Variants in NT5M observed in about 807,000 individuals in gnomAD.
NT5M encodes the protein 5',3'-nucleotidase, mitochondrial, also known as 5'(3')-deoxyribonucleotidase, mitochondrial.
NT5M carries 22 observed loss-of-function variants against 22.2 expected under a neutral mutation model. That is an observed-to-expected ratio of 0.99 (90% confidence interval 0.71 to 1.41). The LOEUF is 1.41. NT5M is among the 40% of genes most tolerant of loss of function. The pLI is 0.00. For synonymous variants in NT5M, 167 were observed against 133.0 expected (o/e 1.26, Z -1.76); for missense variants, 322 against 314.8 (o/e 1.02, Z -0.17).
chr17:17,309,570 T>A (rs540129034), intron 2 of NT5M, among the ~76,000 whole-genome samples: 26 of 152,348 alleles, frequency 1.7e-4, no homozygotes, highest in African/African-American at 5.8e-4. Context: ...CACATCTTTG[T>A]CAACACTTGT....
chr17:17,316,043 CCA>C (rs2049020816), intron 2 of NT5M, among the ~76,000 whole-genome samples: 1 of 151,506 alleles, frequency 6.6e-6, no homozygotes, highest in Non-Finnish European at 1.5e-5. Flanking sequence ...GCATGAGCCA[CCA>C]TGCCCGGCCT....
In NT5M at chr17:17,306,919, C is replaced by T. The variant is rs565814534; in HGVS notation, c.368+276C>T. ...GTTCAAAGCTCATTTATTCAATGCC[C>T]GGACGTGGTGGCTCATGCCTGTAAT... On this transcript the variant is annotated intron_variant, in intron 2 of 4. Transcript: ENST00000389022. 9.9e-5 allele frequency among the ~76,000 whole-genome samples: 15 copies of T among 152,282 alleles called. No homozygotes were observed. The South Asian group carries it at 2.3e-3, about 23-fold the overall frequency.
Position 17,303,788 on chromosome 17 carries a change from C to T in NT5M, c.238C>T (p.Gln80Ter). The change falls in exon 1 of 5, where the codon CAG becomes TAG. Residue 80 changes from glutamine to a stop codon, truncating the protein, a stop_gained. Coordinates refer to ENST00000389022, the MANE Select transcript of NT5M (RefSeq NM_020201.4). LOFTEE classifies it high-confidence loss of function. ...CCGGCGCGGCTTCTGGGTGTCGGAG[C>T]AGTACGGCCGCCTGCGGCCAGGGCT... ...EDRRGFWVSE[Q>*]YGRLRPGLSE... 1 of 1,565,474 alleles carries T rather than the reference C, an allele frequency of 6.4e-7. No homozygotes were observed. The highest frequency in any genetic ancestry group is 8.6e-7 in the Non-Finnish European group (1 of 1,156,232).
chr17:17,338,676 GGT>G (rs1491306807), intron 3 of NT5M, among the ~76,000 whole-genome samples: 2 of 74,600 alleles, frequency 2.7e-5, no homozygotes, highest in East Asian at 2.6e-4. Flanking sequence ...AAATGTTAAG[GGT>G]TTTTTTTTTT....
In NT5M at chr17:17,332,084, G is replaced by A. The variant is rs185517947; in HGVS notation, c.429+8839G>A. ...TGTGAGCCACCGCATCCGGCCTATG[G>A]TATTATTTTTCTAGCAGTGTCATTC... On this transcript the variant is annotated intron_variant, in intron 3 of 4. Transcript: ENST00000389022. Among the ~76,000 whole-genome samples the A allele has an allele frequency of 3.8e-3, 574 of 152,134 alleles. 3 individuals are homozygous for A. Among genetic ancestry groups the A allele is most frequent in the African/African-American group, 0.013 (542 of 41,498 alleles).
intron 3 of NT5M, among the ~76,000 whole-genome samples, chr17:17,338,436 G>A (rs975118515): frequency 1.1e-4 from 17 of 152,082 alleles, no homozygotes; most frequent in African/African-American, 3.6e-4. Context: ...CACGCTATCC[G>A]CCCGCCTCGG....
At position 17,303,546 on chromosome 17, in the gene NT5M, G is replaced by T; in HGVS notation, c.-5G>T. 1 of 1,066,152 alleles carries T rather than the reference G, an allele frequency of 9.4e-7. No individual in the cohort carries two copies. Among genetic ancestry groups the T allele is most frequent in the Non-Finnish European group, 1.1e-6 (1 of 882,652 alleles). The allele number at this position is 1,066,152 out of a possible 1,614,324, so 66.0% of individuals were successfully genotyped here. ...CGCGCCCACGACGGGCCAGCGCGCT[G>T]GGCCATGATCCGGCTGGGCGGCTGG... On this transcript the variant is annotated 5_prime_UTR_variant, in exon 1 of 5. Coordinates refer to ENST00000389022, the MANE Select transcript of NT5M (RefSeq NM_020201.4).
intron 3 of NT5M, among the ~76,000 whole-genome samples, chr17:17,325,362 G>T (rs1341629812): frequency 6.6e-6 from 1 of 152,058 alleles, no homozygotes; most frequent in Non-Finnish European, 1.5e-5. Context: ...TGGGGTGCTG[G>T]TTTCCTTGTG....
At chr17:17,339,602 A>G (rs374531272) in intron 3 of NT5M, among the ~76,000 whole-genome samples, 160 of 152,260 alleles carry the variant, frequency 1.1e-3, no homozygotes, top group African/African-American at 3.7e-3. Flanking sequence ...GATACTAGCC[A>G]TATATAGGTC....
chr17:17,314,175 G>A (rs1051591389), intron 2 of NT5M, among the ~76,000 whole-genome samples: 5 of 151,700 alleles, frequency 3.3e-5, no homozygotes, highest in South Asian at 2.1e-4. Flanking sequence ...CTGGGATTAC[G>A]GGCGCCCGCC....
At chr17:17,343,154 A>G (rs973643162) in intron 3 of NT5M, among the ~76,000 whole-genome samples, 13 of 152,172 alleles carry the variant, frequency 8.5e-5, no homozygotes, top group African/African-American at 3.1e-4. Flanking sequence ...AGGGAGGACA[A>G]TTAGACTGGG....
intron 2 of NT5M, among the ~76,000 whole-genome samples, chr17:17,317,962 C>CAA (rs35320589): frequency 0.62 from 46,075 of 73,810 alleles, 14,781 homozygotes; most frequent in East Asian, 0.78. Context: ...ACTCCATGAT[C>CAA]AAAAAAAAAA....
rs1429343240 is a variant in NT5M, at chr17:17,346,819, C to A, written c.559C>A (p.Pro187Thr). The A allele has an allele frequency of 6.2e-7, 1 of 1,607,776 alleles. No individual in the cohort carries two copies. The highest frequency in any genetic ancestry group is 1.1e-5 in the South Asian group (1 of 91,058). Reference sequence around the variant, plus strand: ...CCCACCCACAGGGGCCGAGCCAACCCCCAGCTGGGAGCATGTCCTCTTCAC... The same window carrying A: ...CCCACCCACAGGGGCCGAGCCAACCACCAGCTGGGAGCATGTCCTCTTCAC... ...RPDITGAEPTPSWEHVLFTAC... is the reference protein window; with the variant it reads ...RPDITGAEPTTSWEHVLFTAC... Residue 187 changes from proline to threonine, a missense_variant, in exon 5 of 5, where the codon CCC (proline) becomes ACC (threonine). Physicochemically the swap from Pro to Thr is conservative, Grantham distance 38 (BLOSUM62 -1). Transcript: ENST00000389022.
At chr17:17,330,458 G>A (rs1227887136) in intron 3 of NT5M, among the ~76,000 whole-genome samples, 5 of 148,590 alleles carry the variant, frequency 3.4e-5, no homozygotes, top group Admixed American at 2.0e-4. Context: ...TCACTGCAAC[G>A]TCTGCCTCCT....
chr17:17,317,962 CAAAA>C (rs35320589), intron 2 of NT5M, among the ~76,000 whole-genome samples: 17 of 74,070 alleles, frequency 2.3e-4, no homozygotes, highest in African/African-American at 9.0e-4. Flanking sequence ...ACTCCATGAT[CAAAA>C]AAAAAAAAAA....
intron 2 of NT5M, among the ~76,000 whole-genome samples, chr17:17,319,581 G>C (rs1353673073): frequency 1.3e-5 from 2 of 152,154 alleles, no homozygotes; most frequent in Non-Finnish European, 2.9e-5. Context: ...GCGAATATCA[G>C]AATAGTTTTG....
intron 3 of NT5M, among the ~76,000 whole-genome samples, chr17:17,330,365 C>T (rs989907886): frequency 2.0e-5 from 3 of 147,602 alleles, no homozygotes; most frequent in Admixed American, 1.4e-4. Context: ...GAAATAAAAA[C>T]GTAAAAACGT....
chr17:17,344,115 C>T (rs929659987), intron 3 of NT5M, among the ~76,000 whole-genome samples: 1 of 152,042 alleles, frequency 6.6e-6, no homozygotes, highest in Non-Finnish European at 1.5e-5. Flanking sequence ...GCTCCCTGCC[C>T]CCCGGGGAGC....
At chr17:17,308,316 G>T (rs1355724177) in intron 2 of NT5M, among the ~76,000 whole-genome samples, 1 of 152,106 alleles carries the variant, frequency 6.6e-6, no homozygotes, top group African/African-American at 2.4e-5. Flanking sequence ...CATACCAGCT[G>T]GGCGCCGTGG....
Sources: allele counts gnomAD v4.1 joint callset (sites outside exome capture counted in the v4.1 genomes callset), GRCh38; gene constraint gnomAD v4.1.1; transcripts MANE v1.5; gene names NCBI Gene and HGNC (gene_info 2026-07-23, HGNC 2026-07-21).